Variants in SLC36A1 observed in about 807,000 individuals in gnomAD.
SLC36A1 encodes proton-coupled amino acid transporter 1.
Under a neutral mutation model 47.5 loss-of-function variants are expected in SLC36A1, and 30 were observed. The ratio of observed to expected loss-of-function variants is 0.63; its 90% CI spans 0.47 to 0.86. The LOEUF is 0.86. Ranked by LOEUF, SLC36A1 falls within the 40% of genes least tolerant of loss-of-function variation. The probability of loss-of-function intolerance (pLI) is 0.00; values close to 1 mark genes in which losing one functional copy is unlikely to be tolerated. For synonymous variants in SLC36A1, 255 were observed against 249.7 expected (o/e 1.02, Z -0.20); for missense variants, 517 against 606.0 (o/e 0.85, Z 1.54).
chr5:151,357,104 G>A, the SLC36A1 span, among the ~76,000 whole-genome samples: 4 of 152,192 alleles, frequency 2.6e-5, no homozygotes, highest in Non-Finnish European at 5.9e-5. Context: ...AAGTTCATCG[G>A]TTTAGTGATG....
intron 9 of SLC36A1, chr5:151,477,022 G>A (rs555306135): frequency 7.1e-5 from 41 of 580,526 alleles, no homozygotes; most frequent in Admixed American, 5.1e-4. Context: ...CAGAAGGACC[G>A]AGTATCTAGT....
At chr5:151,367,640 G>T in the SLC36A1 span, among the ~76,000 whole-genome samples, 1 of 152,078 alleles carries the variant, frequency 6.6e-6, no homozygotes, top group East Asian at 1.9e-4. Context: ...TATCACAGTG[G>T]TCCTGAGGTG....
chr5:151,406,865 G>A, the SLC36A1 span, among the ~76,000 whole-genome samples: 2 of 152,112 alleles, frequency 1.3e-5, no homozygotes, highest in Non-Finnish European at 2.9e-5. Flanking sequence ...ACGGGCCCTC[G>A]CGGTGAGTGT....
the SLC36A1 span, chr5:151,543,733 A>G: frequency 2.5e-6 from 4 of 1,614,088 alleles, no homozygotes; most frequent in African/African-American, 4.0e-5. Flanking sequence ...GTACACAGGC[A>G]CAGTTGCTCG....
In SLC36A1 at chr5:151,475,022, G is replaced by C. The variant is rs114590848; in HGVS notation, c.822+1251G>C. The stretch of plus-strand genomic sequence containing the variant: ...ACATCATGGGGGAGGCTTTGGGAGT[G>C]ATCACATGTAAATCACTGGTCTCCC... On this transcript the variant is annotated intron_variant, in intron 8 of 10. Transcript: ENST00000243389. Among the ~76,000 whole-genome samples, 466 of 151,836 alleles carry C rather than the reference G, an allele frequency of 3.1e-3. 3 individuals carry two copies. Among genetic ancestry groups the C allele is most frequent in the African/African-American group, 0.01 (426 of 41,072 alleles).
the SLC36A1 span, chr5:151,545,576 A>AT: frequency 6.2e-7 from 1 of 1,614,116 alleles, no homozygotes. Context: ...CTGGGTGCAA[A>AT]TAATACAGGG....
the SLC36A1 span, among the ~76,000 whole-genome samples, chr5:151,533,396 ACAC>A: frequency 8.0e-3 from 564 of 70,208 alleles, 7 homozygotes; most frequent in African/African-American, 0.041. Context: ...TATCTCCAAC[ACAC>A]ACACACACAC....
chr5:151,349,554 A>G, the SLC36A1 span, among the ~76,000 whole-genome samples: 8 of 152,186 alleles, frequency 5.3e-5, no homozygotes, highest in Non-Finnish European at 5.9e-5. Context: ...ACTAGATTGT[A>G]GATGACTTCC....
the SLC36A1 span, among the ~76,000 whole-genome samples, chr5:151,349,754 G>A: frequency 1.3e-5 from 2 of 152,158 alleles, no homozygotes; most frequent in African/African-American, 4.8e-5. Flanking sequence ...TAAACACAGA[G>A]CCTTGTTCCT....
the SLC36A1 span, among the ~76,000 whole-genome samples, chr5:151,556,057 C>T: frequency 7.2e-5 from 11 of 152,256 alleles, no homozygotes; most frequent in African/African-American, 2.2e-4. Flanking sequence ...GGACTGGACT[C>T]GGTAAGTACA....
the SLC36A1 span, among the ~76,000 whole-genome samples, chr5:151,385,088 G>A: frequency 1.3e-5 from 2 of 151,514 alleles, no homozygotes; most frequent in East Asian, 3.9e-4. Context: ...GGTGCTTAAA[G>A]GCCTTCATAA....
At chr5:151,551,601 C>T in the SLC36A1 span, 3 of 1,613,980 alleles carry the variant, frequency 1.9e-6, no homozygotes, top group African/African-American at 4.0e-5. Flanking sequence ...ATGTCCTTAT[C>T]CCCACCTAGA....
At chr5:151,421,119 C>T in the SLC36A1 span, among the ~76,000 whole-genome samples, 19 of 151,536 alleles carry the variant, frequency 1.3e-4, no homozygotes, top group African/African-American at 2.2e-4. Flanking sequence ...GTGATCCACC[C>T]GCCTCGGCCT....
At chr5:151,512,645 G>GA in the SLC36A1 span, 1 of 1,533,702 alleles carries the variant, frequency 6.5e-7, no homozygotes, top group Non-Finnish European at 8.8e-7. This position sits in a 1 kb window ranked among gnomAD's most constrained non-coding sequence, Gnocchi z 4.1. Context: ...CAAAGCCAAG[G>GA]AGTCCTTGTA....
chr5:151,510,427 A>G, the SLC36A1 span: 2 of 390,454 alleles, frequency 5.1e-6, no homozygotes, highest in East Asian at 9.0e-5. Context: ...CAGGATAACA[A>G]CCATAGACAC....
chr5:151,375,068 T>A, the SLC36A1 span, among the ~76,000 whole-genome samples: 4 of 152,202 alleles, frequency 2.6e-5, no homozygotes, highest in African/African-American at 9.6e-5. Context: ...CTTAATTAAG[T>A]CCCATTTGTC....
At chr5:151,448,507 G>A (rs1027365438) in intron 1 of SLC36A1, among the ~76,000 whole-genome samples, 15 of 152,050 alleles carry the variant, frequency 9.9e-5, no homozygotes, top group Non-Finnish European at 2.9e-5. Flanking sequence ...TGTAGGTTTG[G>A]TTTCTAACCT....
the SLC36A1 span, chr5:151,507,146 A>G: frequency 3.2e-6 from 5 of 1,568,936 alleles, no homozygotes; most frequent in Admixed American, 1.8e-5. Context: ...GTCTCTGGCT[A>G]TACTGACCCA....
At chr5:151,412,495 C>A in the SLC36A1 span, 2 of 144,064 alleles carry the variant, frequency 1.4e-5, 1 homozygote, top group African/African-American at 5.0e-5. Context: ...CACACGCACA[C>A]CCTTCTCAAG....
Sources: allele counts gnomAD v4.1 joint callset (sites outside exome capture counted in the v4.1 genomes callset), GRCh38; gene constraint gnomAD v4.1.1; non-coding constraint Gnocchi (gnomAD v3.1); transcripts MANE v1.5; gene names NCBI Gene and HGNC (gene_info 2026-07-23, HGNC 2026-07-21).